The following GALNT13 variants were observed in gnomAD, a reference collection of about 807,000 sequenced individuals.
GALNT13 encodes the protein polypeptide N-acetylgalactosaminyltransferase 13, also known as UDP-GalNAc:polypeptide N-acetylgalactosaminyltransferase 13.
In GALNT13, 28 loss-of-function variants were observed where a neutral mutation model predicts 64.2. The observed-to-expected ratio is 0.44, with a 90% CI of 0.32 to 0.60. The LOEUF (loss-of-function observed/expected upper bound fraction) is 0.60, where lower values mean the gene tolerates loss of function less well. GALNT13 is among the 20% of genes least tolerant of loss of function. GALNT13 has a pLI of 0.05. For missense variants in GALNT13, 577 were observed against 669.8 expected (o/e 0.86, Z 1.53); for synonymous variants, 214 against 224.6 (o/e 0.95, Z 0.42).
chr2:154,306,232 A>G (rs768874829), intron 9 of GALNT13, among the ~76,000 whole-genome samples: 1 of 152,014 alleles, frequency 6.6e-6, no homozygotes, highest in Non-Finnish European at 1.5e-5. Context: ...TACACGTGCC[A>G]TGGTGGTTTG....
the GALNT13 span, among the ~76,000 whole-genome samples, chr2:153,145,613 C>G: frequency 2.6e-5 from 4 of 151,890 alleles, no homozygotes; most frequent in African/African-American, 9.7e-5. Flanking sequence ...GTGTGACTAT[C>G]AGGCACCTGG....
chr2:153,086,575 G>A, the GALNT13 span, among the ~76,000 whole-genome samples: 2 of 152,132 alleles, frequency 1.3e-5, no homozygotes, highest in Admixed American at 1.3e-4. Flanking sequence ...CCTCAGCCAT[G>A]ATTGTGAGGC....
At chr2:154,387,093 G>A (rs1384792146) in intron 9 of GALNT13, among the ~76,000 whole-genome samples, 1 of 152,002 alleles carries the variant, frequency 6.6e-6, no homozygotes, top group Non-Finnish European at 1.5e-5. Context: ...TTATTAGTTG[G>A]AATAGTCAAT....
At chr2:153,853,347 C>G in the GALNT13 span, among the ~76,000 whole-genome samples, 3 of 152,148 alleles carry the variant, frequency 2.0e-5, no homozygotes, top group Non-Finnish European at 4.4e-5. Flanking sequence ...TTGTATCCTT[C>G]AATCAGATCA....
At chr2:153,998,695 T>C (rs1217896882) in intron 3 of GALNT13, among the ~76,000 whole-genome samples, 1 of 152,208 alleles carries the variant, frequency 6.6e-6, no homozygotes, top group South Asian at 2.1e-4. Flanking sequence ...TTTGGTGTTT[T>C]AGTCATGAAA....
At chr2:153,365,876 C>T in the GALNT13 span, among the ~76,000 whole-genome samples, 2 of 152,160 alleles carry the variant, frequency 1.3e-5, no homozygotes, top group Non-Finnish European at 1.5e-5. Context: ...TTTGACCCAG[C>T]AATCCCACTA....
At chr2:153,460,166 T>C in the GALNT13 span, among the ~76,000 whole-genome samples, 2 of 152,152 alleles carry the variant, frequency 1.3e-5, no homozygotes, top group African/African-American at 4.8e-5. Context: ...GAATTTCTTC[T>C]CACTTCTCTC....
chr2:154,059,302 CA>C (rs1338375003), intron 3 of GALNT13, among the ~76,000 whole-genome samples: 1 of 152,040 alleles, frequency 6.6e-6, no homozygotes, highest in Non-Finnish European at 1.5e-5. Context: ...GGAAAATAAC[CA>C]TGTTATGGTA....
chr2:153,424,134 T>C, the GALNT13 span, among the ~76,000 whole-genome samples: 6 of 150,336 alleles, frequency 4.0e-5, no homozygotes, highest in Admixed American at 2.0e-4. Flanking sequence ...ATACATGGCT[T>C]GATCTGTTCA....
intron 11 of GALNT13, among the ~76,000 whole-genome samples, chr2:154,415,950 A>G (rs996553833): frequency 6.6e-6 from 1 of 152,284 alleles, no homozygotes; most frequent in African/African-American, 2.4e-5. Flanking sequence ...AGAATGGCCT[A>G]TGAGGAAAGA....
chr2:153,994,243 A>T (rs1695366452), intron 3 of GALNT13, among the ~76,000 whole-genome samples: 2 of 152,154 alleles, frequency 1.3e-5, no homozygotes, highest in African/African-American at 4.8e-5. Flanking sequence ...GAAGGATATG[A>T]ACTCATCCTT....
chr2:153,438,422 T>G, the GALNT13 span, among the ~76,000 whole-genome samples: 1 of 152,228 alleles, frequency 6.6e-6, no homozygotes, highest in Non-Finnish European at 1.5e-5. Flanking sequence ...GCAGAGTGTT[T>G]TCCAACTTGA....
intron 3 of GALNT13, among the ~76,000 whole-genome samples, chr2:154,092,239 A>G (rs1701850586): frequency 6.6e-6 from 1 of 151,962 alleles, no homozygotes. Context: ...CAGTCGTTTG[A>G]TAGATCTCAT....
chr2:154,308,377 T>G (rs956544844), intron 9 of GALNT13, among the ~76,000 whole-genome samples: 1 of 152,176 alleles, frequency 6.6e-6, no homozygotes, highest in Non-Finnish European at 1.5e-5. Context: ...TATATTCATT[T>G]CCATCTCTTG....
chr2:153,439,801 C>T, the GALNT13 span, among the ~76,000 whole-genome samples: 2 of 152,136 alleles, frequency 1.3e-5, no homozygotes, highest in African/African-American at 4.8e-5. Context: ...CTTCGGCTCA[C>T]ACATGGTGCA....
chr2:153,902,512 G>T (rs1025463936), intron 2 of GALNT13, among the ~76,000 whole-genome samples: 1 of 152,010 alleles, frequency 6.6e-6, no homozygotes, highest in Non-Finnish European at 1.5e-5. Flanking sequence ...TAGGAAAAAG[G>T]TATTTTTAAA....
At chr2:153,528,276 C>T in the GALNT13 span, among the ~76,000 whole-genome samples, 2 of 151,748 alleles carry the variant, frequency 1.3e-5, no homozygotes, top group African/African-American at 2.4e-5. Flanking sequence ...GTTGGAGCAG[C>T]TATACTTTTA....
chr2:153,468,068 C>T, the GALNT13 span, among the ~76,000 whole-genome samples: 5 of 151,920 alleles, frequency 3.3e-5, no homozygotes, highest in East Asian at 9.7e-4. Flanking sequence ...GTGACTGTTA[C>T]ATGCCAGGTA....
At chr2:154,311,965 T>C (rs963146759) in intron 9 of GALNT13, among the ~76,000 whole-genome samples, 2 of 152,236 alleles carry the variant, frequency 1.3e-5, no homozygotes, top group Non-Finnish European at 2.9e-5. Context: ...TCCTGTTCTT[T>C]TTTCAGGGTG....
Sources: gnomAD v4.1 joint callset for allele counts (sites outside exome capture counted in the v4.1 genomes callset) on GRCh38, gnomAD v4.1.1 for gene constraint, MANE v1.5 for transcripts, NCBI Gene and HGNC (gene_info 2026-07-23, HGNC 2026-07-21) for gene names.